The following HAP1 variants were observed in gnomAD, a reference collection of about 807,000 sequenced individuals.
HAP1 encodes the protein huntingtin-associated protein 1.
HAP1 carries 59 observed loss-of-function variants against 60.3 expected under a neutral mutation model. The ratio of observed to expected loss-of-function variants is 0.98; its 90% CI spans 0.79 to 1.22. The LOEUF (loss-of-function observed/expected upper bound fraction) is 1.22, where lower values mean the gene tolerates loss of function less well. HAP1 is among the 50% of genes most tolerant of loss of function. The pLI, the probability that HAP1 is intolerant of heterozygous loss-of-function variation, is 0.00. For synonymous variants in HAP1, 346 were observed against 330.6 expected, an observed-to-expected ratio of 1.05 and a Z score of -0.50; for missense variants, 825 against 785.3, an observed-to-expected ratio of 1.05 and a Z score of -0.60.
At chr17:41,726,862 CAAA>C (rs59195117) in intron 9 of HAP1, among the ~76,000 whole-genome samples, 188 bp downstream of exon 9, 1 of 131,682 alleles carries the variant, frequency 7.6e-6, no homozygotes, top group African/African-American at 2.8e-5. Flanking sequence ...GACTCCATCT[CAAA>C]AAAAAAAAAA....
Position 41,728,339 on chromosome 17 carries a change from G to A in HAP1, c.1070-8C>T, listed in dbSNP as rs781938229. 1.2e-6 allele frequency: 2 copies of A among 1,612,778 alleles called. No homozygotes were observed. Among genetic ancestry groups the A allele is most frequent in the East Asian group, 2.2e-5 (1 of 44,872 alleles). ...TCTGTTGGCTGGCCTCCGCTGGGGAGGGCAGAGGACAGGTCAGCCCTGGCT... is the reference window on the plus strand; with the variant it reads ...TCTGTTGGCTGGCCTCCGCTGGGGAAGGCAGAGGACAGGTCAGCCCTGGCT... On this transcript the variant is annotated splice_region_variant and splice_polypyrimidine_tract_variant and intron_variant, in intron 6 of 10. Coordinates refer to ENST00000347901, the MANE Select transcript of HAP1 (RefSeq NM_177977.3).
In HAP1 at chr17:41,723,566, G is replaced by A. The variant is rs1166435828; in HGVS notation, c.*1135C>T. 2.0e-5 allele frequency: 3 copies of A among 152,784 alleles called. No homozygotes were observed. Among genetic ancestry groups the A allele is most frequent in the Non-Finnish European group, 4.4e-5 (3 of 68,142 alleles). The allele number at this position is 152,784 out of a possible 1,614,324, so 9.5% of individuals were successfully genotyped here. On this transcript the variant is annotated 3_prime_UTR_variant, in exon 11 of 11. Coordinates refer to ENST00000347901, the MANE Select transcript of HAP1 (RefSeq NM_177977.3). The stretch of plus-strand genomic sequence containing the variant: ...GAAGAGAAGCAGGTGGATGTGAACT[G>A]GGGCATTGATGACCACAGGCCTGGC...
At chr17:41,730,988 G>A (rs1912150728) in intron 6 of HAP1, among the ~76,000 whole-genome samples, 1 of 151,426 alleles carries the variant, frequency 6.6e-6, no homozygotes, top group African/African-American at 2.4e-5. Flanking sequence ...TAGGCTCACT[G>A]CAAACTCTGT....
chr17:41,732,585 C>T (rs1912305925), intron 2 of HAP1, 134 bp downstream of exon 2: 9 of 965,020 alleles, frequency 9.3e-6, no homozygotes, highest in African/African-American at 6.4e-5. Flanking sequence ...CATCCCACAT[C>T]GACCTGTCTT....
rs1555590898 is a variant in HAP1, at chr17:41,731,545, G to A, written c.1017C>T (p.Asp339=). ...GCATCTGTTCCTCATCCTCAAGAGT[G>A]TCGAGTTGAGAGGCCTGGAGGGAGA... ...HQLREEASQL[D]TLEDEEQMLI... Residue 339 remains aspartate (D), a synonymous_variant, in exon 6 of 11, where the codon GAC becomes GAT. Transcript: ENST00000347901. The A allele has an allele frequency of 6.2e-7, 1 of 1,612,476 alleles. No individual in the cohort carries two copies. Among genetic ancestry groups the A allele is most frequent in the South Asian group, 1.1e-5 (1 of 91,054 alleles).
chr17:41,733,785 G>C, intron 1 of HAP1, among the ~76,000 whole-genome samples: 1 of 144,278 alleles, frequency 6.9e-6, no homozygotes, highest in South Asian at 2.5e-4. Flanking sequence ...TCCATCGCAC[G>C]CAAGCCCGGT....
chr17:41,726,694 C>G (rs1250908527), intron 9 of HAP1, among the ~76,000 whole-genome samples: 2 of 151,926 alleles, frequency 1.3e-5, no homozygotes, highest in Non-Finnish European at 2.9e-5. Context: ...GAAACTGTGT[C>G]TCTACTAAAA....
downstream of HAP1, among the ~76,000 whole-genome samples, chr17:41,719,890 CTTTT>C (rs33939681): frequency 7.8e-6 from 1 of 128,824 alleles, no homozygotes; most frequent in South Asian, 2.4e-4. Flanking sequence ...AGATATTTAA[CTTTT>C]TTTTTTTTTT....
chr17:41,730,615 A>G (rs1275728393), intron 6 of HAP1, among the ~76,000 whole-genome samples: 8 of 152,152 alleles, frequency 5.3e-5, no homozygotes, highest in African/African-American at 1.9e-4. Context: ...CAGTGGGGCC[A>G]TTCAGGGAGT....
intron 1 of HAP1, among the ~76,000 whole-genome samples, chr17:41,733,352 C>CTTT (rs1226491607): frequency 0.038 from 2,808 of 74,632 alleles, 354 homozygotes; most frequent in African/African-American, 0.062. Flanking sequence ...CCGCGCCCGG[C>CTTT]TTTTTTTTTT....
chr17:41,727,353 T>G (rs377013092), intron 8 of HAP1: 14 of 780,714 alleles, frequency 1.8e-5, no homozygotes, highest in Non-Finnish European at 3.1e-5. Flanking sequence ...TGGGGGTTGC[T>G]GGCGGAGGGT....
intron 1 of HAP1, among the ~76,000 whole-genome samples, chr17:41,733,054 G>GTTTTTTTTTTTTTTTTTGGGTT (rs71155166): frequency 1.0e-5 from 1 of 99,076 alleles, no homozygotes; most frequent in African/African-American, 4.1e-5. Context: ...TTTTTTTTTG[G>GTTTTTTTTTTTTTTTTTGGGTT]TTTTTTTTTT....
intron 6 of HAP1, 58 bp from the exon 7 acceptor site, chr17:41,728,389 T>G: frequency 6.4e-7 from 1 of 1,560,492 alleles, no homozygotes; most frequent in Non-Finnish European, 8.7e-7. Flanking sequence ...GGACCAGCTC[T>G]GGCCCTCCCA....
chr17:41,725,075 T>C lies in HAP1; in HGVS notation c.1486A>G (p.Ile496Val), dbSNP rs41314644. Residue 496 changes from isoleucine (I) to valine (V), a missense_variant, in exon 11 of 11, where the codon ATC (isoleucine) becomes GTC (valine). Ile to Val is a conservative substitution (Grantham distance 29, BLOSUM62 3). Coordinates refer to ENST00000347901, the MANE Select transcript of HAP1 (RefSeq NM_177977.3). ...GGCGTGAAATCTTCCCCCCGCATGA[T>C]ATCCGCTGCCAGCATCAACCCTTCC... ...AEEGLMLAADIMRGEDFTPAE... is the reference protein window; with the variant it reads ...AEEGLMLAADVMRGEDFTPAE... The C allele has an allele frequency of 8.7e-3, 14,016 of 1,613,640 alleles. 101 individuals are homozygous for C. Among genetic ancestry groups the C allele is most frequent in the Middle Eastern group, 0.014 (85 of 6,058 alleles).
chr17:41,724,602 G>A lies in HAP1; in HGVS notation c.*99C>T. 1.2e-6 allele frequency: 1 copy of A among 823,864 alleles called. No homozygotes were observed. The highest frequency in any genetic ancestry group is 3.8e-4 in the Middle Eastern group (1 of 2,638). The allele number at this position is 823,864 out of a possible 1,614,324, so 51.0% of individuals were successfully genotyped here. ...GTTCCCACTGAAGGGGATCAGAGGT[G>A]TCTATGCAAATGATATGCAAAGTCC... On this transcript the variant is annotated 3_prime_UTR_variant, in exon 11 of 11. Coordinates refer to ENST00000347901, the MANE Select transcript of HAP1 (RefSeq NM_177977.3).
intron 4 of HAP1, 38 bp from the exon 5 acceptor site, chr17:41,731,781 TG>T (rs1912224578): frequency 6.8e-7 from 1 of 1,477,228 alleles, no homozygotes; most frequent in South Asian, 1.1e-5. Flanking sequence ...GTGCAGGGAG[TG>T]GGGCTTCCCA....
At chr17:41,726,691 T>C (rs570970359) in intron 9 of HAP1, among the ~76,000 whole-genome samples, 5 of 151,122 alleles carry the variant, frequency 3.3e-5, no homozygotes, top group South Asian at 4.2e-4. Flanking sequence ...GGTGAAACTG[T>C]GTCTCTACTA....
Position 41,734,235 on chromosome 17 carries a change from C to T in HAP1, c.400G>A (p.Ala134Thr). 1 of 1,601,316 alleles carries T rather than the reference C, an allele frequency of 6.2e-7. No homozygotes were observed. The highest frequency in any genetic ancestry group is 8.5e-7 in the Non-Finnish European group (1 of 1,171,342). ...KAAGIWKTPA[A>T]YVGRRPGVSG... ...ACCCCGGGTCGCCGGCCAACGTAGG[C>T]GGCTGGCGTCTTCCAGATGCCCGCT... Residue 134 changes from alanine (A) to threonine (T), a missense_variant, in exon 1 of 11, where the codon GCC becomes ACC. Physicochemically the swap from Ala to Thr is moderately conservative, Grantham distance 58. Coordinates refer to ENST00000347901, the MANE Select transcript of HAP1 (RefSeq NM_177977.3).
At chr17:41,726,229 A>G (rs1447324001) in intron 9 of HAP1, among the ~76,000 whole-genome samples, 1 of 152,146 alleles carries the variant, frequency 6.6e-6, no homozygotes, top group African/African-American at 2.4e-5. Flanking sequence ...CCTGGCCAAC[A>G]TCTCTACTGG....
Sources: gnomAD v4.1 joint callset for allele counts (sites outside exome capture counted in the v4.1 genomes callset) on GRCh38, gnomAD v4.1.1 for gene constraint, MANE v1.5 for transcripts, NCBI Gene and HGNC (gene_info 2026-07-23, HGNC 2026-07-21) for gene names.